Variants in MID1IP1 observed in about 807,000 individuals in gnomAD.
MID1IP1 encodes the protein MID1 interacting protein 1.
In MID1IP1, 3 loss-of-function variants were observed where a neutral mutation model predicts 6.8. The observed-to-expected ratio is 0.44, with a 90% CI of 0.20 to 1.14. MID1IP1 has a LOEUF of 1.14. Ranked by LOEUF, MID1IP1 falls within the 50% of genes most tolerant of loss-of-function variation. MID1IP1 has a pLI of 0.26. For missense variants in MID1IP1, 127 were observed against 158.4 expected, an observed-to-expected ratio of 0.80 and a Z score of 1.06; for synonymous variants, 87 against 70.4, an observed-to-expected ratio of 1.24 and a Z score of -1.18.
In MID1IP1 at chrX:38,805,046, G is replaced by T. The variant is rs778365333; in HGVS notation, c.100G>T (p.Val34Leu). 3 of 1,211,614 alleles carry T rather than the reference G, an allele frequency of 2.5e-6. No individual in the cohort carries two copies. ...AVNNMDQTVM[V>L]PSLLRDVPLA... ...GAACAACATGGACCAGACGGTGATG[G>T]TGCCCAGCTTGCTGCGCGACGTGCC... The change falls in exon 3 of 3, where the codon GTG becomes TTG. Residue 34 changes from valine (V) to leucine (L), a missense_variant. By Grantham distance (32) the Val-to-Leu change is conservative. Coordinates refer to ENST00000614558, the MANE Select transcript of MID1IP1 (RefSeq NM_021242.6).
Position 38,805,726 on chromosome X carries a change from G to A in MID1IP1, c.*228G>A, listed in dbSNP as rs1465887967. On this transcript the variant is annotated 3_prime_UTR_variant, in exon 3 of 3. Transcript: ENST00000614558. ...GGAGGGCCCAAGGAACCTCCTGGGA[G>A]GGGGCCTGCATTCTATGTTGGTGGG... 1.1e-5 allele frequency: 5 copies of A among 446,788 alleles called. No individual in the cohort carries two copies. The highest frequency in any genetic ancestry group is 2.0e-5 in the Non-Finnish European group (5 of 250,935). 36.8% of individuals were successfully genotyped at this position (446,788 alleles called of 1,213,427 possible). A position where few individuals can be genotyped will look rare whatever the true frequency, so the allele number is the denominator to read the frequency against.
Position 38,804,792 on chromosome X carries a change from G to T in MID1IP1, c.-155G>T. The T allele has an allele frequency of 1.8e-6, 1 of 558,261 alleles. No individual in the cohort carries two copies. The allele number at this position is 558,261 out of a possible 1,213,427, so 46.0% of individuals were successfully genotyped here. Reference sequence around the variant, plus strand: ...CGGTCTGCCAGCGAGACGAGAGTTGGCGAGGGCGGAGGAGTGCCGGGAATC... The same window carrying T: ...CGGTCTGCCAGCGAGACGAGAGTTGTCGAGGGCGGAGGAGTGCCGGGAATC... On this transcript the variant is annotated 5_prime_UTR_variant, in exon 3 of 3. Coordinates refer to ENST00000614558, the MANE Select transcript of MID1IP1 (RefSeq NM_021242.6).
chrX:38,804,590 A>G (rs2070494526), intron 2 of MID1IP1, 93 bp from the exon 3 acceptor site: 6 of 159,729 alleles, frequency 3.8e-5, no homozygotes, highest in Admixed American at 3.2e-4. Flanking sequence ...GACGAGCTGT[A>G]GCCAGAGAAG....
rs1410562497 is a variant in MID1IP1 at position 38,806,127 on chromosome X, G to T, written c.*629G>T. 1 of 125,403 alleles carries T rather than the reference G, an allele frequency of 8.0e-6. No individual in the cohort carries two copies. The highest frequency in any genetic ancestry group is 1.8e-5 in the Non-Finnish European group (1 of 54,572). The allele number at this position is 125,403 out of a possible 1,213,427, so 10.3% of individuals were successfully genotyped here. On this transcript the variant is annotated 3_prime_UTR_variant, in exon 3 of 3. Transcript: ENST00000614558. Reference sequence around the variant, plus strand: ...CGGTAATCGGTACTACTTTATTAATGATTTTCTGTTACACTGTATAGTAGT... The same window carrying T: ...CGGTAATCGGTACTACTTTATTAATTATTTTCTGTTACACTGTATAGTAGT...
At position 38,805,381 on chromosome X, in the gene MID1IP1, G is replaced by A. The variant is rs947652153; in HGVS notation, c.435G>A (p.Gln145=). The change falls in exon 3 of 3, where the codon CAG becomes CAA. Residue 145 remains glutamine (Q), a synonymous_variant. Transcript: ENST00000614558. ...ACGCCGGCGAAGAAGACCTGGAACAGCAGTTCCACTACCACCTGCGCGGGC... is the reference window on the plus strand; with the variant it reads ...ACGCCGGCGAAGAAGACCTGGAACAACAGTTCCACTACCACCTGCGCGGGC... ...GADAGEEDLE[Q]QFHYHLRGLH... is the part of the protein sequence containing the mutation. 2 of 1,205,726 alleles carry A rather than the reference G, an allele frequency of 1.7e-6. No homozygotes were observed. The highest frequency in any genetic ancestry group is 2.2e-6 in the Non-Finnish European group (2 of 894,040).
Position 38,803,619 on chromosome X carries a change from C to T in MID1IP1, c.-1059C>T, listed in dbSNP as rs2070478552. 1 of 113,074 alleles carries T rather than the reference C, an allele frequency of 8.8e-6. No homozygotes were observed. Among genetic ancestry groups the T allele is most frequent in the Admixed American group, 9.2e-5 (1 of 10,821 alleles). The allele number at this position is 113,074 out of a possible 1,213,427, so 9.3% of individuals were successfully genotyped here. A position where few individuals can be genotyped will look rare whatever the true frequency, so the allele number is the denominator to read the frequency against. On this transcript the variant is annotated 5_prime_UTR_variant, in exon 2 of 3. Coordinates refer to ENST00000614558, the MANE Select transcript of MID1IP1 (RefSeq NM_021242.6). ...GGGAGGCAAAAGCCTCTGACGCTCC[C>T]CTCCCCCCATAGCTGACCAAGGCCA...
In MID1IP1 at chrX:38,805,456, C is replaced by T. The variant is rs1402741157; in HGVS notation, c.510C>T (p.Asn170=). Residue 170 remains asparagine, a synonymous_variant, in exon 3 of 3, where the codon AAC becomes AAT. Transcript: ENST00000614558. ...CGCGCAAAGCCAACATCCTCACTAACAGATACAAGCAGGAGATCGGCTTCG... is the reference window on the plus strand; with the variant it reads ...CGCGCAAAGCCAACATCCTCACTAATAGATACAAGCAGGAGATCGGCTTCG... ...KLTRKANILT[N]RYKQEIGFGN... 4.1e-6 allele frequency: 5 copies of T among 1,206,439 alleles called. No homozygotes were observed. Among genetic ancestry groups the T allele is most frequent in the Non-Finnish European group, 5.6e-6 (5 of 894,508 alleles).
rs748938960 is a variant in MID1IP1, at chrX:38,806,459, C to T, written c.*961C>T. On this transcript the variant is annotated 3_prime_UTR_variant, in exon 3 of 3. Transcript: ENST00000614558. ...TGTGTCAACTAAATTGGACAAGCGT[C>T]TGGTCCTCATTAATCTGCCAATGAA... 7.3e-5 allele frequency: 9 copies of T among 123,093 alleles called. No homozygotes were observed. The highest frequency in any genetic ancestry group is 7.5e-4 in the South Asian group (2 of 2,679). The allele number at this position is 123,093 out of a possible 1,213,427, so 10.1% of individuals were successfully genotyped here.
Position 38,805,527 on chromosome X carries a change from T to A in MID1IP1, c.*29T>A. On this transcript the variant is annotated 3_prime_UTR_variant, in exon 3 of 3. Transcript: ENST00000614558. Reference sequence around the variant, plus strand: ...GTGGCGCCCGTGGCTGCCCAGCACCTTCTTCGACCCATCTCACCCTCTCTC... The same window carrying A: ...GTGGCGCCCGTGGCTGCCCAGCACCATCTTCGACCCATCTCACCCTCTCTC... 8.6e-7 allele frequency: 1 copy of A among 1,167,226 alleles called. No homozygotes were observed. The highest frequency in any genetic ancestry group is 1.2e-6 in the Non-Finnish European group (1 of 858,091).
rs962929688 is a variant in MID1IP1, at chrX:38,805,717, C to T, written c.*219C>T. On this transcript the variant is annotated 3_prime_UTR_variant, in exon 3 of 3. Transcript: ENST00000614558. ...CCGGAGATGGGAGGGCCCAAGGAAC[C>T]TCCTGGGAGGGGGCCTGCATTCTAT... 1.8e-5 allele frequency: 8 copies of T among 451,371 alleles called. No individual in the cohort carries two copies. The highest frequency in any genetic ancestry group is 3.1e-5 in the Non-Finnish European group (8 of 254,248). 37.2% of individuals were successfully genotyped at this position (451,371 alleles called of 1,213,427 possible).
rs765669513 is a variant in MID1IP1 at position 38,805,357 on chromosome X, C to T, written c.411C>T (p.Asp137=). The T allele has an allele frequency of 2.5e-6, 3 of 1,205,880 alleles. No individual in the cohort carries two copies. Among genetic ancestry groups the T allele is most frequent in the East Asian group, 3.0e-5 (1 of 33,599 alleles). ...LVDLGHLEGA[D]AGEEDLEQQF... ...ACCTGGGCCACTTGGAGGGTGCGGA[C>T]GCCGGCGAAGAAGACCTGGAACAGC... Residue 137 remains aspartate (D), a synonymous_variant, in exon 3 of 3, where the codon GAC becomes GAT. Transcript: ENST00000614558.
Position 38,805,505 on chromosome X carries a change from G to C in MID1IP1, c.*7G>C, listed in dbSNP as rs755955303. 8.3e-7 allele frequency: 1 copy of C among 1,198,253 alleles called. No individual in the cohort carries two copies. The highest frequency in any genetic ancestry group is 1.1e-6 in the Non-Finnish European group (1 of 887,570). The stretch of plus-strand genomic sequence containing the variant: ...CGGCAATTGGGGCCACTGAGGCGTG[G>C]CGCCCGTGGCTGCCCAGCACCTTCT... On this transcript the variant is annotated 3_prime_UTR_variant, in exon 3 of 3. Transcript: ENST00000614558.
chrX:38,803,980 C>T lies in MID1IP1; in HGVS notation c.-698C>T, dbSNP rs2070484238. 8.8e-6 allele frequency: 1 copy of T among 113,606 alleles called. No individual in the cohort carries two copies. Among genetic ancestry groups the T allele is most frequent in the Non-Finnish European group, 1.9e-5 (1 of 53,714 alleles). The allele number at this position is 113,606 out of a possible 1,213,427, so 9.4% of individuals were successfully genotyped here. A position where few individuals can be genotyped will look rare whatever the true frequency, so the allele number is the denominator to read the frequency against. ...GCCCGGCCCTCCTCATCTGGCCTGC[C>T]CAGGGCTTGGTGCTGGCGGGGTCCA... On this transcript the variant is annotated 5_prime_UTR_variant, in exon 2 of 3. Coordinates refer to ENST00000614558, the MANE Select transcript of MID1IP1 (RefSeq NM_021242.6).
chrX:38,804,805 A>G lies in MID1IP1; in HGVS notation c.-142A>G. On this transcript the variant is annotated 5_prime_UTR_variant, in exon 3 of 3. Coordinates refer to ENST00000614558, the MANE Select transcript of MID1IP1 (RefSeq NM_021242.6). ...AGACGAGAGTTGGCGAGGGCGGAGG[A>G]GTGCCGGGAATCCCGCCACACCGGC... is the stretch of plus-strand genomic sequence containing the variant. The G allele has an allele frequency of 1.7e-6, 1 of 595,577 alleles. No homozygotes were observed. 49.1% of individuals were successfully genotyped at this position (595,577 alleles called of 1,213,427 possible).
chrX:38,802,491 AG>A (rs2070465440), intron 1 of MID1IP1, 43 bp from the exon 2 acceptor site: 1 of 112,295 alleles, frequency 8.9e-6, no homozygotes, highest in Admixed American at 9.4e-5. Flanking sequence ...TCTGTCTCCA[AG>A]GGTCACTGAC....
At chrX:38,804,582 C>T (rs776079728) in intron 2 of MID1IP1, 101 bp from the exon 3 acceptor site, 115 of 154,136 alleles carry the variant, frequency 7.5e-4, no homozygotes, top group African/African-American at 3.3e-3. Flanking sequence ...CCGTCCCGGA[C>T]GAGCTGTAGC....
Position 38,803,353 on chromosome X carries a change from T to C in MID1IP1, c.-1325T>C, listed in dbSNP as rs1026476552. ...ACCTCCCCATTTCTCTGTTAAATGG[T>C]GAAAGACACCCAAGACTAGACCTAA... On this transcript the variant is annotated 5_prime_UTR_variant, in exon 2 of 3. Transcript: ENST00000614558. 2.7e-5 allele frequency: 3 copies of C among 112,740 alleles called. No homozygotes were observed. The highest frequency in any genetic ancestry group is 3.8e-5 in the Non-Finnish European group (2 of 53,330). The allele number at this position is 112,740 out of a possible 1,213,427, so 9.3% of individuals were successfully genotyped here.
At position 38,804,828 on chromosome X, in the gene MID1IP1, G is replaced by A; in HGVS notation, c.-119G>A. 3 of 751,433 alleles carry A rather than the reference G, an allele frequency of 4.0e-6. No individual in the cohort carries two copies. The highest frequency in any genetic ancestry group is 3.3e-5 in the South Asian group (1 of 30,019). The allele number at this position is 751,433 out of a possible 1,213,427, so 61.9% of individuals were successfully genotyped here. A position where few individuals can be genotyped will look rare whatever the true frequency, so the allele number is the denominator to read the frequency against. On this transcript the variant is annotated 5_prime_UTR_variant, in exon 3 of 3. Coordinates refer to ENST00000614558, the MANE Select transcript of MID1IP1 (RefSeq NM_021242.6). ...GGAGTGCCGGGAATCCCGCCACACC[G>A]GCTATAGCCAGGCCCCCAGCGCGGG...
In MID1IP1 at chrX:38,806,295, A is replaced by G. The variant is rs887159778; in HGVS notation, c.*797A>G. ...ACATTATTATGAGAAAGTGGACTTA[A>G]CCGAAATGGAACCAACTGACATTCT... On this transcript the variant is annotated 3_prime_UTR_variant, in exon 3 of 3. Transcript: ENST00000614558. 3.3e-5 allele frequency: 4 copies of G among 120,117 alleles called. No homozygotes were observed. The highest frequency in any genetic ancestry group is 1.3e-4 in the African/African-American group (4 of 29,632). 9.9% of individuals were successfully genotyped at this position (120,117 alleles called of 1,213,427 possible).
Sources: gnomAD v4.1 joint callset for allele counts on GRCh38, gnomAD v4.1.1 for gene constraint, MANE v1.5 for transcripts, NCBI Gene and HGNC (gene_info 2026-07-23, HGNC 2026-07-21) for gene names.